The following STK32B variants were observed in gnomAD, a reference collection of about 807,000 sequenced individuals.
The protein encoded by STK32B is serine/threonine kinase 32B.
A neutral mutation model predicts 52.6 loss-of-function variants in STK32B; 43 were observed. That is an observed-to-expected ratio of 0.82 (90% CI 0.64 to 1.05). STK32B has a LOEUF of 1.05. Ranked by LOEUF, STK32B falls within the 50% of genes least tolerant of loss-of-function variation. The pLI, the probability that STK32B is intolerant of heterozygous loss-of-function variation, is 0.00. For synonymous variants in STK32B, 238 were observed against 204.3 expected (o/e 1.17, Z -1.41); for missense variants, 621 against 534.6 (o/e 1.16, Z -1.59).
chr4:5,434,037 A>C (rs1404271198), intron 6 of STK32B, among the ~76,000 whole-genome samples: 2 of 152,216 alleles, frequency 1.3e-5, no homozygotes, highest in African/African-American at 4.8e-5. Flanking sequence ...GGAATTGCTC[A>C]ACCACTGGTA....
In STK32B at chr4:5,481,864, T is replaced by C. The variant is rs181196239; in HGVS notation, c.1106+13794T>C. 4.0e-3 allele frequency among the ~76,000 whole-genome samples: 609 copies of C among 152,344 alleles called. 6 individuals are homozygous for C. Among genetic ancestry groups the C allele is most frequent in the African/African-American group, 0.014 (595 of 41,578 alleles). Reference sequence around the variant, plus strand: ...GGAATCATTTCCCCATTTCTTGTTTTTGTCAGGTTTGTCAAAGATCCGATG... The same window carrying C: ...GGAATCATTTCCCCATTTCTTGTTTCTGTCAGGTTTGTCAAAGATCCGATG... On this transcript the variant is annotated intron_variant, in intron 11 of 11. Transcript: ENST00000282908.
intron 3 of STK32B, among the ~76,000 whole-genome samples, chr4:5,230,164 C>A (rs1434780183): frequency 1.5e-5 from 2 of 129,184 alleles, no homozygotes; most frequent in Admixed American, 1.6e-4. Flanking sequence ...GAAGAACACT[C>A]AAGCATGCAT....
intron 4 of STK32B, among the ~76,000 whole-genome samples, chr4:5,375,085 GT>G (rs1735499209): frequency 6.6e-6 from 1 of 152,152 alleles, no homozygotes. Context: ...GCGCCTGTAA[GT>G]CCCCTCCCAC....
At chr4:5,223,674 A>G (rs1222741061) in intron 3 of STK32B, among the ~76,000 whole-genome samples, 2 of 151,980 alleles carry the variant, frequency 1.3e-5, no homozygotes, top group Non-Finnish European at 2.9e-5. Flanking sequence ...AAAATTAGCC[A>G]GGCGTGGTGG....
intron 3 of STK32B, among the ~76,000 whole-genome samples, chr4:5,255,140 T>C (rs1319092312): frequency 6.6e-6 from 1 of 152,170 alleles, no homozygotes; most frequent in East Asian, 1.9e-4. Flanking sequence ...AGATTAATGG[T>C]ATGTTACTTT....
intron 3 of STK32B, among the ~76,000 whole-genome samples, chr4:5,185,816 G>T (rs751546592): frequency 6.6e-6 from 1 of 152,180 alleles, no homozygotes; most frequent in South Asian, 2.1e-4. Flanking sequence ...GAAGCCCTCA[G>T]AATGAACGTC....
At chr4:5,365,001 G>T (rs970525932) in intron 4 of STK32B, among the ~76,000 whole-genome samples, 1 of 152,042 alleles carries the variant, frequency 6.6e-6, no homozygotes, top group Non-Finnish European at 1.5e-5. Context: ...TCAGCATCCC[G>T]AGTAGCTGGG....
chr4:5,254,548 G>A (rs1210283200), intron 3 of STK32B, among the ~76,000 whole-genome samples: 1 of 152,036 alleles, frequency 6.6e-6, no homozygotes, highest in Non-Finnish European at 1.5e-5. Flanking sequence ...ATGGTTTTAT[G>A]TAAGTTTTAA....
intron 3 of STK32B, among the ~76,000 whole-genome samples, chr4:5,243,399 G>A (rs1443435307): frequency 6.6e-6 from 1 of 152,182 alleles, no homozygotes; most frequent in Non-Finnish European, 1.5e-5. Flanking sequence ...TGGTGTATAA[G>A]AATGCTTGCG....
Position 5,329,037 on chromosome 4 carries a change from A to C in STK32B, c.261-2183A>C, listed in dbSNP as rs1381623243. On this transcript the variant is annotated intron_variant, in intron 3 of 11. Coordinates refer to ENST00000282908, the MANE Select transcript of STK32B (RefSeq NM_018401.3). ...ATAATAAAAACTTTCTGGGCAAACA[A>C]AAATATTCTAACTGAAACTTCTGGA... Among the ~76,000 whole-genome samples the C allele has an allele frequency of 3.3e-5, 5 of 152,204 alleles. No individual in the cohort carries two copies. The East Asian group carries it at 9.6e-4, about 29-fold the overall frequency.
intron 4 of STK32B, among the ~76,000 whole-genome samples, chr4:5,383,405 A>G (rs558601139): frequency 1.3e-4 from 20 of 152,312 alleles, no homozygotes; most frequent in African/African-American, 4.1e-4. Context: ...CTGGAGCTTC[A>G]TGTTTTAATG....
chr4:5,197,910 T>C (rs1352942754), intron 3 of STK32B, among the ~76,000 whole-genome samples: 1 of 152,226 alleles, frequency 6.6e-6, no homozygotes, highest in African/African-American at 2.4e-5. Context: ...ATAAGCCCCA[T>C]TTATGTTTCA....
rs1720676643 is a variant in STK32B at position 5,500,901 on chromosome 4, G to A, written c.*1818G>A. 1.3e-5 allele frequency: 2 copies of A among 152,164 alleles called. No individual in the cohort carries two copies. The highest frequency in any genetic ancestry group is 4.8e-5 in the African/African-American group (2 of 41,450). 9.4% of individuals were successfully genotyped at this position (152,164 alleles called of 1,614,324 possible). ...TATTGGGCTGAGTTCACGAATTAGG[G>A]GCAGGAGCTGGAAGTCGCCCTAGGA... On this transcript the variant is annotated 3_prime_UTR_variant, in exon 12 of 12. Coordinates refer to ENST00000282908, the MANE Select transcript of STK32B (RefSeq NM_018401.3).
At chr4:5,165,941 C>G (rs895018498) in intron 2 of STK32B, among the ~76,000 whole-genome samples, 1 of 152,190 alleles carries the variant, frequency 6.6e-6, no homozygotes, top group African/African-American at 2.4e-5. Flanking sequence ...ACTCCCACTT[C>G]CTGCTCCTGT....
intron 3 of STK32B, among the ~76,000 whole-genome samples, chr4:5,310,954 C>G (rs1194263511): frequency 6.6e-6 from 1 of 152,170 alleles, no homozygotes; most frequent in Non-Finnish European, 1.5e-5. Flanking sequence ...GAAAATGTCA[C>G]ATATTCTCAC....
chr4:5,402,761 A>C (rs552500694), intron 5 of STK32B, among the ~76,000 whole-genome samples: 23 of 152,334 alleles, frequency 1.5e-4, no homozygotes, highest in African/African-American at 5.5e-4. Flanking sequence ...GTGGAAATGT[A>C]AACAATTGAT....
intron 6 of STK32B, among the ~76,000 whole-genome samples, chr4:5,427,834 C>T (rs967947172): frequency 2.5e-4 from 38 of 151,910 alleles, no homozygotes; most frequent in African/African-American, 8.7e-4. Context: ...ATGTATTGAT[C>T]TTTTTAAAGA....
chr4:5,431,555 A>G (rs572480358), intron 6 of STK32B, among the ~76,000 whole-genome samples: 4 of 152,304 alleles, frequency 2.6e-5, no homozygotes, highest in Non-Finnish European at 4.4e-5. Flanking sequence ...TTTAACATGA[A>G]GTAGCTTTCT....
intron 5 of STK32B, among the ~76,000 whole-genome samples, chr4:5,402,736 A>G (rs1737387067): frequency 6.6e-6 from 1 of 152,222 alleles, no homozygotes. Context: ...ATCTGCAGCC[A>G]AGGCTGTGGG....
Sources: gnomAD v4.1 joint callset for allele counts (sites outside exome capture counted in the v4.1 genomes callset) on GRCh38, gnomAD v4.1.1 for gene constraint, MANE v1.5 for transcripts, NCBI Gene and HGNC (gene_info 2026-07-23, HGNC 2026-07-21) for gene names.